The following WWOX variants were observed in gnomAD, a reference collection of about 807,000 sequenced individuals.
WWOX encodes WW domain containing oxidoreductase.
A neutral mutation model predicts 46.2 loss-of-function variants in WWOX; 69 were observed. The observed-to-expected ratio is 1.49, with a 90% confidence interval of 1.23 to 1.82. WWOX has a LOEUF of 1.82. WWOX is among the 40% of genes most tolerant of loss of function. WWOX has a pLI of 0.00. For synonymous variants in WWOX, 359 were observed against 202.6 expected (o/e 1.77, Z -6.56); for missense variants, 919 against 542.6 (o/e 1.69, Z -6.89).
intron 8 of WWOX, among the ~76,000 whole-genome samples, chr16:79,172,261 C>T (rs2050714158): frequency 6.6e-6 from 1 of 152,164 alleles, no homozygotes; most frequent in South Asian, 2.1e-4. Flanking sequence ...TGTGTATATC[C>T]CACAGCTTTG....
intron 8 of WWOX, among the ~76,000 whole-genome samples, chr16:78,656,848 C>G (rs2047092500): frequency 6.6e-6 from 1 of 152,120 alleles, no homozygotes; most frequent in Non-Finnish European, 1.5e-5. Context: ...TGATGTGTTT[C>G]ATGGGAAACA....
intron 8 of WWOX, among the ~76,000 whole-genome samples, chr16:78,741,804 G>C (rs974056299): frequency 1.3e-5 from 2 of 151,968 alleles, no homozygotes; most frequent in Middle Eastern, 3.4e-3. Flanking sequence ...GCAGTGAGTT[G>C]AGACTGTGCC....
intron 4 of WWOX, among the ~76,000 whole-genome samples, chr16:78,131,884 A>G (rs1358220089): frequency 1.4e-5 from 2 of 147,732 alleles, no homozygotes; most frequent in Non-Finnish European, 3.0e-5. Flanking sequence ...GCGCCTGGCA[A>G]GGATTTTTTT....
intron 8 of WWOX, among the ~76,000 whole-genome samples, chr16:79,139,050 T>C (rs1171440219): frequency 6.6e-6 from 1 of 152,212 alleles, no homozygotes; most frequent in Non-Finnish European, 1.5e-5. Context: ...CGAAGATAGA[T>C]GGTCCCCCCT....
At chr16:78,400,540 C>G (rs1441274504) in intron 6 of WWOX, among the ~76,000 whole-genome samples, 1 of 152,020 alleles carries the variant, frequency 6.6e-6, no homozygotes, top group East Asian at 1.9e-4. Context: ...TGGAAAAAAT[C>G]TTTGAGTTTC....
At chr16:78,270,764 A>G (rs541634045) in intron 5 of WWOX, among the ~76,000 whole-genome samples, 173 of 152,254 alleles carry the variant, frequency 1.1e-3, no homozygotes, top group Non-Finnish European at 1.7e-3. Context: ...GAATGAACCA[A>G]TTATGGCCCA....
At chr16:78,709,593 C>T (rs1339361058) in intron 8 of WWOX, among the ~76,000 whole-genome samples, 1 of 152,162 alleles carries the variant, frequency 6.6e-6, no homozygotes, top group African/African-American at 2.4e-5. Context: ...AAGGGGTTTT[C>T]AGGTGAGCGT....
chr16:78,567,423 G>T (rs1184333630), intron 8 of WWOX, among the ~76,000 whole-genome samples: 1 of 151,628 alleles, frequency 6.6e-6, no homozygotes, highest in Admixed American at 6.6e-5. Context: ...CGTGGTGGCG[G>T]GTGCCTGTAG....
intron 8 of WWOX, among the ~76,000 whole-genome samples, chr16:78,788,086 C>A (rs367704383): frequency 9.2e-5 from 14 of 152,262 alleles, no homozygotes; most frequent in African/African-American, 3.1e-4. Context: ...TTCTCTCAAT[C>A]TATGGGTAGG....
chr16:78,893,301 G>C (rs920625140), intron 8 of WWOX, among the ~76,000 whole-genome samples: 1 of 152,142 alleles, frequency 6.6e-6, no homozygotes, highest in Non-Finnish European at 1.5e-5. Flanking sequence ...TAAGCACAGA[G>C]TCAGGCCTCG....
At chr16:78,177,081 C>T (rs1480052862) in intron 5 of WWOX, among the ~76,000 whole-genome samples, 1 of 152,154 alleles carries the variant, frequency 6.6e-6, no homozygotes, top group Admixed American at 6.6e-5. Context: ...TTTGCAGTTA[C>T]TCCAGGAGAT....
chr16:78,303,360 G>A (rs1381793547), intron 5 of WWOX, among the ~76,000 whole-genome samples: 1 of 152,134 alleles, frequency 6.6e-6, no homozygotes, highest in Non-Finnish European at 1.5e-5. Flanking sequence ...TTAGGTACCA[G>A]CCTTGGTTGA....
intron 5 of WWOX, among the ~76,000 whole-genome samples, chr16:78,326,452 C>T (rs1000021252): frequency 2.6e-5 from 4 of 151,694 alleles, no homozygotes; most frequent in Admixed American, 6.6e-5. Flanking sequence ...GTTGTTATCG[C>T]GCAAAGGAAG....
At chr16:78,600,673 T>C (rs551303431) in intron 8 of WWOX, among the ~76,000 whole-genome samples, 38 of 152,126 alleles carry the variant, frequency 2.5e-4, no homozygotes, top group Non-Finnish European at 5.3e-4. Flanking sequence ...GAAACCCTGG[T>C]AGCTGATGAA....
At chr16:79,056,082 TG>T (rs1223379012) in intron 8 of WWOX, among the ~76,000 whole-genome samples, 1 of 146,788 alleles carries the variant, frequency 6.8e-6, no homozygotes, top group African/African-American at 2.7e-5. Context: ...CAGCTCAGCT[TG>T]TAAAAAAAAA....
intron 8 of WWOX, among the ~76,000 whole-genome samples, chr16:79,168,744 A>G (rs1006581321): frequency 7.9e-5 from 12 of 152,150 alleles, no homozygotes; most frequent in Admixed American, 3.3e-4. Context: ...GGGTAAACCA[A>G]GTCCCAGGAA....
At chr16:78,947,600 G>A (rs2045974671) in intron 8 of WWOX, among the ~76,000 whole-genome samples, 1 of 152,200 alleles carries the variant, frequency 6.6e-6, no homozygotes, top group South Asian at 2.1e-4. Flanking sequence ...AGGCAGGGGT[G>A]TCTGTCCACG....
intron 8 of WWOX, among the ~76,000 whole-genome samples, chr16:78,886,469 AC>A (rs2044460419): frequency 6.6e-6 from 1 of 151,822 alleles, no homozygotes; most frequent in African/African-American, 2.4e-5. Flanking sequence ...TTTAAATAAC[AC>A]ATCATTGAAC....
At chr16:78,121,317 T>A (rs1392940490) in intron 4 of WWOX, among the ~76,000 whole-genome samples, 4 of 152,242 alleles carry the variant, frequency 2.6e-5, no homozygotes, top group Non-Finnish European at 4.4e-5. Context: ...GTAAGTAAAA[T>A]TATTTTGAAG....
Sources: allele counts gnomAD v4.1 joint callset (sites outside exome capture counted in the v4.1 genomes callset), GRCh38; gene constraint gnomAD v4.1.1; transcripts MANE v1.5; gene names NCBI Gene and HGNC (gene_info 2026-07-23, HGNC 2026-07-21).